SPEF2: variants seen among roughly 807,000 people sequenced by gnomAD.
SPEF2 encodes the protein sperm flagellar and cilia associated 2, also known as sperm flagella and cilia-associated protein 2.
In SPEF2, 187 loss-of-function variants were observed where a neutral mutation model predicts 224.6. The ratio of observed to expected loss-of-function variants is 0.83; its 90% CI spans 0.74 to 0.94. The LOEUF (loss-of-function observed/expected upper bound fraction) is 0.94, where lower values mean the gene tolerates loss of function less well. Ranked by LOEUF, SPEF2 falls within the 40% of genes least tolerant of loss-of-function variation. The pLI is 0.00. For synonymous variants in SPEF2, 715 were observed against 707.3 expected, an observed-to-expected ratio of 1.01 and a Z score of -0.17; for missense variants, 2,170 against 2,135.6, an observed-to-expected ratio of 1.02 and a Z score of -0.32.
At chr5:35,693,137 G>A (rs1031434076) in intron 12 of SPEF2, among the ~76,000 whole-genome samples, 4 of 152,070 alleles carry the variant, frequency 2.6e-5, no homozygotes, top group African/African-American at 9.7e-5. Context: ...TGTTTTAGGG[G>A]AACTCAAGAA....
At chr5:35,780,139 A>G (rs1430023081) in intron 30 of SPEF2, among the ~76,000 whole-genome samples, 1 of 152,178 alleles carries the variant, frequency 6.6e-6, no homozygotes, top group East Asian at 1.9e-4. Context: ...CTTCTCACTG[A>G]ACTAAGTTGC....
rs78964548 is a variant in SPEF2 at position 35,628,504 on chromosome 5, G to A, written c.103G>A (p.Gly35Arg). Reference protein sequence around the residue: ...AKAFSSGYLLGEVLHKFELQD... With the variant: ...AKAFSSGYLLREVLHKFELQD... The stretch of plus-strand genomic sequence containing the variant: ...GGCATTTTCCAGTGGCTATCTACTT[G>A]GAGAAGTTCTACACAAGTTTGAACT... The change falls in exon 2 of 37, where the codon GGA (glycine) becomes AGA (arginine). Residue 35 changes from glycine (G) to arginine (R), a missense_variant. Physicochemically the swap from Gly to Arg is moderately radical, Grantham distance 125. Transcript: ENST00000356031. 1.2e-6 allele frequency: 2 copies of A among 1,613,892 alleles called. No homozygotes were observed. The highest frequency in any genetic ancestry group is 2.7e-5 in the African/African-American group (2 of 74,898).
intron 21 of SPEF2, among the ~76,000 whole-genome samples, chr5:35,730,462 C>T (rs1239562410): frequency 6.6e-6 from 1 of 152,232 alleles, no homozygotes; most frequent in Non-Finnish European, 1.5e-5. Context: ...CCAGGGGCCA[C>T]AGGGCCATGT....
intron 34 of SPEF2, among the ~76,000 whole-genome samples, chr5:35,800,935 G>C (rs2149855479): frequency 6.6e-6 from 1 of 152,310 alleles, no homozygotes; most frequent in East Asian, 1.9e-4. Context: ...AGAATAGTCT[G>C]AAAGGAATGA....
In SPEF2 at chr5:35,804,833, A is replaced by G. The variant is rs188466549; in HGVS notation, c.5011-1874A>G. Among the ~76,000 whole-genome samples, 232 of 152,300 alleles carry G rather than the reference A, an allele frequency of 1.5e-3. 1 individual carries two copies. The highest frequency in any genetic ancestry group is 5.4e-3 in the African/African-American group (224 of 41,568). On this transcript the variant is annotated intron_variant, in intron 34 of 36. Coordinates refer to ENST00000356031, the MANE Select transcript of SPEF2 (RefSeq NM_024867.4). ...GGTTCCTTCTTTGCTTAATTTTGGT[A>G]TCATCTGCTCATCTAAGCAGCTAAT...
intron 30 of SPEF2, among the ~76,000 whole-genome samples, chr5:35,780,891 G>C (rs901267383): frequency 1.3e-5 from 2 of 151,892 alleles, no homozygotes; most frequent in African/African-American, 4.8e-5. Flanking sequence ...CTTTCAGCAG[G>C]GACCCTAGTA....
chr5:35,796,144 C>T (rs1756628905), intron 33 of SPEF2, among the ~76,000 whole-genome samples: 1 of 152,190 alleles, frequency 6.6e-6, no homozygotes. Context: ...TAAAATTTGT[C>T]ATTTTACCAA....
chr5:35,796,792 A>G (rs1756734006), intron 33 of SPEF2, among the ~76,000 whole-genome samples: 1 of 152,090 alleles, frequency 6.6e-6, no homozygotes, highest in South Asian at 2.1e-4. Flanking sequence ...TAAATGGAGC[A>G]ATTTCCTTCA....
At chr5:35,745,174 G>T (rs1012048603) in intron 23 of SPEF2, among the ~76,000 whole-genome samples, 12 of 152,206 alleles carry the variant, frequency 7.9e-5, no homozygotes, top group Non-Finnish European at 1.8e-4. Context: ...CTGGGAGCTC[G>T]CTGGGTGCCC....
In SPEF2 at chr5:35,678,038, T is replaced by C. The variant is rs112812701; in HGVS notation, c.1524+7811T>C. On this transcript the variant is annotated intron_variant, in intron 10 of 36. Coordinates refer to ENST00000356031, the MANE Select transcript of SPEF2 (RefSeq NM_024867.4). The stretch of plus-strand genomic sequence containing the variant: ...GGCCTACAGGCCTTGACAGTGACCA[T>C]TGTCACACGCTGAGTATTGACCGTG... Among the ~76,000 whole-genome samples the C allele has an allele frequency of 1.3e-3, 204 of 152,352 alleles. 1 individual carries two copies. Among genetic ancestry groups the C allele is most frequent in the Middle Eastern group, 3.4e-3 (1 of 294 alleles).
At chr5:35,653,946 C>CAAAAA (rs67527515) in intron 6 of SPEF2, among the ~76,000 whole-genome samples, 15 of 87,986 alleles carry the variant, frequency 1.7e-4, no homozygotes, top group African/African-American at 6.0e-4. Flanking sequence ...GACTCTGTCT[C>CAAAAA]AAAAAAAAAA....
In SPEF2 at chr5:35,654,739, G is replaced by T. The variant is rs1366445664; in HGVS notation, c.978+13G>T. The T allele has an allele frequency of 6.3e-7, 1 of 1,596,958 alleles. No individual in the cohort carries two copies. The highest frequency in any genetic ancestry group is 8.5e-7 in the Non-Finnish European group (1 of 1,174,744). ...CGAAGCACAAGAGGTAAGATATTTAGATGAAGGTTAAGTAATAGTGCTGGG... is the reference window on the plus strand; with the variant it reads ...CGAAGCACAAGAGGTAAGATATTTATATGAAGGTTAAGTAATAGTGCTGGG... On this transcript the variant is annotated intron_variant, in intron 7 of 36. Coordinates refer to ENST00000356031, the MANE Select transcript of SPEF2 (RefSeq NM_024867.4).
intron 30 of SPEF2, chr5:35,790,090 AT>A (rs1561369725): frequency 2.8e-6 from 2 of 702,946 alleles, no homozygotes; most frequent in African/African-American, 3.5e-5. Context: ...AAGTATCCAA[AT>A]ATCCTGACAC....
intron 36 of SPEF2, among the ~76,000 whole-genome samples, chr5:35,810,199 ATCCATAAGAC>A (rs1476763715): frequency 5.3e-5 from 8 of 152,150 alleles, no homozygotes; most frequent in Non-Finnish European, 4.4e-5. Flanking sequence ...GAAACCTGTC[ATCCATAAGAC>A]TCCCCCACTT....
intron 20 of SPEF2, among the ~76,000 whole-genome samples, chr5:35,714,865 A>AG (rs150920990): frequency 0.75 from 113,547 of 151,196 alleles, 42,969 homozygotes; most frequent in Middle Eastern, 0.83. Flanking sequence ...AGCCTTGCAA[A>AG]ATTTTCTTCT....
chr5:35,632,137 G>T (rs527602566), intron 2 of SPEF2, among the ~76,000 whole-genome samples: 12 of 152,040 alleles, frequency 7.9e-5, no homozygotes, highest in African/African-American at 2.7e-4. Context: ...CACATTTTCG[G>T]GTATCTTTAT....
chr5:35,797,691 G>A (rs1165000536), intron 33 of SPEF2, among the ~76,000 whole-genome samples: 1 of 152,076 alleles, frequency 6.6e-6, no homozygotes, highest in African/African-American at 2.4e-5. Flanking sequence ...AGTGGTTAAT[G>A]GTTAACCTGC....
chr5:35,788,019 T>C, intron 30 of SPEF2: 2 of 699,208 alleles, frequency 2.9e-6, no homozygotes, highest in East Asian at 2.7e-5. Flanking sequence ...TTAAATCTTA[T>C]GTTCTGCGCC....
chr5:35,701,849 C>T (rs1738706857), intron 16 of SPEF2, among the ~76,000 whole-genome samples: 1 of 152,068 alleles, frequency 6.6e-6, no homozygotes, highest in Admixed American at 6.6e-5. Flanking sequence ...CATGGTGGCA[C>T]ATGTCTGTGA....
Sources: gnomAD v4.1 joint callset for allele counts (sites outside exome capture counted in the v4.1 genomes callset) on GRCh38, gnomAD v4.1.1 for gene constraint, MANE v1.5 for transcripts, NCBI Gene and HGNC (gene_info 2026-07-23, HGNC 2026-07-21) for gene names.